Variants in ATR observed in about 807,000 individuals in gnomAD.
ATR encodes serine/threonine-protein kinase ATR.
A neutral mutation model predicts 305.3 loss-of-function variants in ATR; 142 were observed. The ratio of observed to expected loss-of-function variants is 0.47; its 90% CI spans 0.41 to 0.53. ATR has a LOEUF of 0.53. Among genes scored for constraint, ATR ranks in the 20% least tolerant of loss-of-function variants. The pLI, the probability that ATR is intolerant of heterozygous loss-of-function variation, is 0.00. For missense variants in ATR, 2,135 were observed against 3,133.1 expected (o/e 0.68, Z 7.60); for synonymous variants, 1,050 against 1,068.1 (o/e 0.98, Z 0.33).
chr3:142,568,280 G>A, intron 1 of ATR, 126 bp from the exon 2 acceptor site: 1 of 718,756 alleles, frequency 1.4e-6, no homozygotes, highest in African/African-American at 1.8e-5. Flanking sequence ...GTATTCTTCT[G>A]TTTAAAAATT....
intron 44 of ATR, among the ~76,000 whole-genome samples, chr3:142,458,015 T>C (rs1157747754): frequency 6.6e-6 from 1 of 152,238 alleles, no homozygotes; most frequent in Non-Finnish European, 1.5e-5. Context: ...GTACAGTGAA[T>C]AAGCAGTATT....
At chr3:142,544,452 CAAAAAAAAAAAAA>C (rs57120276) in intron 16 of ATR, among the ~76,000 whole-genome samples, 16 of 18,974 alleles carry the variant, frequency 8.4e-4, no homozygotes, top group Admixed American at 2.8e-3. Flanking sequence ...ATCCTGCCTC[CAAAAAAAAAAAAA>C]AAAAAAAAAA....
At chr3:142,553,433 A>C (rs1443300226) in intron 12 of ATR, 35 bp from the exon 13 acceptor site, 11 of 1,404,694 alleles carry the variant, frequency 7.8e-6, no homozygotes, top group Middle Eastern at 1.8e-4. Context: ...TGAATACACA[A>C]ACACACACAC....
intron 13 of ATR, among the ~76,000 whole-genome samples, chr3:142,552,305 TA>T: frequency 4.5e-5 from 1 of 22,054 alleles, no homozygotes; most frequent in African/African-American, 1.5e-3. Context: ...CCCAAAGGAA[TA>T]TAAAAAGGAA....
chr3:142,478,359 T>C (rs2030077098), intron 36 of ATR, among the ~76,000 whole-genome samples: 1 of 152,238 alleles, frequency 6.6e-6, no homozygotes. Flanking sequence ...CCAGTAGTCA[T>C]TCAGGAGCAG....
At chr3:142,523,911 C>T in intron 22 of ATR, 82 bp downstream of exon 22, 1 of 1,393,458 alleles carries the variant, frequency 7.2e-7, no homozygotes, top group Non-Finnish European at 9.9e-7. Flanking sequence ...TAAGGATAAG[C>T]TGAATAGTTC....
chr3:142,524,301 T>C, intron 21 of ATR, 102 bp from the exon 22 acceptor site: 1 of 1,160,462 alleles, frequency 8.6e-7, no homozygotes, highest in Non-Finnish European at 1.2e-6. Flanking sequence ...CTAACATAAA[T>C]ATTGACAAAA....
intron 16 of ATR, among the ~76,000 whole-genome samples, chr3:142,544,476 A>AAAAAAAAAAAAAAAAAAAAAC (rs2034189879): frequency 6.7e-6 from 1 of 149,508 alleles, no homozygotes; most frequent in Non-Finnish European, 1.5e-5. Context: ...AAAAAAAAAA[A>AAAAAAAAAAAAAAAAAAAAAC]AAAAGATACC....
intron 35 of ATR, among the ~76,000 whole-genome samples, chr3:142,490,319 G>A (rs1272861304): frequency 6.6e-6 from 1 of 152,194 alleles, no homozygotes; most frequent in Non-Finnish European, 1.5e-5. Flanking sequence ...GCCTCCCAAA[G>A]CACCGGGATT....
At chr3:142,498,551 G>A (rs774023166) in intron 32 of ATR, 46 bp downstream of exon 32, 6 of 1,593,314 alleles carry the variant, frequency 3.8e-6, no homozygotes, top group Non-Finnish European at 5.1e-6. Context: ...ATCCTGTCAG[G>A]TGACATTTAT....
intron 36 of ATR, among the ~76,000 whole-genome samples, chr3:142,476,692 C>T (rs1003076990): frequency 6.6e-6 from 1 of 152,190 alleles, no homozygotes; most frequent in Admixed American, 6.5e-5. Flanking sequence ...GGCAGTATGG[C>T]CATTTTCACG....
chr3:142,570,464 G>A lies in ATR; in HGVS notation c.60-2310C>T, dbSNP rs182176350. ...TGCAATGGCGCGATCTCAGCTCACCGCAACCTCCGCCTCCTGGGTTCAAGC... is the reference window on the plus strand; with the variant it reads ...TGCAATGGCGCGATCTCAGCTCACCACAACCTCCGCCTCCTGGGTTCAAGC... On this transcript the variant is annotated intron_variant, in intron 1 of 46. Coordinates refer to ENST00000350721, the MANE Select transcript of ATR (RefSeq NM_001184.4). Among the ~76,000 whole-genome samples, 46 of 152,222 alleles carry A rather than the reference G, an allele frequency of 3.0e-4. No homozygotes were observed. In the East Asian group the frequency reaches 7.9e-3, roughly 26 times the overall value.
chr3:142,535,956 T>G, intron 20 of ATR, 152 bp downstream of exon 20: 1 of 620,978 alleles, frequency 1.6e-6, no homozygotes, highest in Admixed American at 2.9e-5. Flanking sequence ...CATGGATTCA[T>G]GGTAGCATTA....
At chr3:142,458,857 G>A (rs2070964170) in intron 44 of ATR, 101 bp downstream of exon 44, 2 of 1,326,548 alleles carry the variant, frequency 1.5e-6, no homozygotes, top group African/African-American at 2.9e-5. Flanking sequence ...ACTCAACTGT[G>A]AGTATAACTG....
rs192788766 is a variant in ATR at position 142,495,537 on chromosome 3, G to A, written c.5898+824C>T. The stretch of plus-strand genomic sequence containing the variant: ...AGGCAGGTGGATCATGAGGTCAGGA[G>A]ATCGAGACCACCCTGGCTAACACGG... On this transcript the variant is annotated intron_variant, in intron 34 of 46. Transcript: ENST00000350721. Among the ~76,000 whole-genome samples, 48 of 152,220 alleles carry A rather than the reference G, an allele frequency of 3.2e-4. 1 individual carries two copies. The East Asian group carries it at 8.7e-3, about 28-fold the overall frequency.
chr3:142,466,254 C>T (rs764208501), intron 40 of ATR, 70 bp downstream of exon 40: 1 of 1,473,122 alleles, frequency 6.8e-7, no homozygotes. Context: ...GTGAAATACA[C>T]TTTTTATCTT....
chr3:142,450,357 A>AG (rs35664313), intron 46 of ATR: 767,236 of 1,348,638 alleles, frequency 0.57, 223,589 homozygotes, highest in African/African-American at 0.81. Flanking sequence ...CATTCAAGAC[A>AG]GTGTTTAAGT....
chr3:142,537,396 T>C (rs1361394609), intron 19 of ATR, among the ~76,000 whole-genome samples: 1 of 152,074 alleles, frequency 6.6e-6, no homozygotes, highest in Non-Finnish European at 1.5e-5. Flanking sequence ...ATTTTTCTTA[T>C]GATTATGAGA....
chr3:142,523,690 G>A (rs2033253412), intron 22 of ATR, among the ~76,000 whole-genome samples: 1 of 152,038 alleles, frequency 6.6e-6, no homozygotes, highest in South Asian at 2.1e-4. Context: ...GTTATCCATG[G>A]AAACACTAGC....
Sources: allele counts gnomAD v4.1 joint callset (sites outside exome capture counted in the v4.1 genomes callset), GRCh38; gene constraint gnomAD v4.1.1; transcripts MANE v1.5; gene names NCBI Gene and HGNC (gene_info 2026-07-23, HGNC 2026-07-21).